Variants in MAP2K1 observed in about 807,000 individuals in gnomAD.
MAP2K1 encodes the protein dual specificity mitogen-activated protein kinase kinase 1.
MAP2K1 carries 16 observed loss-of-function variants against 46.3 expected under a neutral mutation model. That is an observed-to-expected ratio of 0.35 (90% CI 0.23 to 0.52). MAP2K1 has a LOEUF of 0.52. MAP2K1 is among the 20% of genes least tolerant of loss of function. The pLI, the probability that MAP2K1 is intolerant of heterozygous loss-of-function variation, is 0.94. For missense variants in MAP2K1, 263 were observed against 497.1 expected, an observed-to-expected ratio of 0.53 and a Z score of 4.48; for synonymous variants, 183 against 185.6, an observed-to-expected ratio of 0.99 and a Z score of 0.11.
In MAP2K1 at chr15:66,490,668, G is replaced by A. The variant is rs755282867; in HGVS notation, c.*53G>A. ...CCCCTGCCCGGTGGTTTGCCATGTC[G>A]CTTTTGGGCCTCCTTCCCATGCCTG... On this transcript the variant is annotated 3_prime_UTR_variant, in exon 11 of 11. Transcript: ENST00000307102. 12 of 1,359,308 alleles carry A rather than the reference G, an allele frequency of 8.8e-6. No homozygotes were observed. Among genetic ancestry groups the A allele is most frequent in the Middle Eastern group, 1.8e-4 (1 of 5,602 alleles). 84.2% of individuals were successfully genotyped at this position (1,359,308 alleles called of 1,614,324 possible). A position where few individuals can be genotyped will look rare whatever the true frequency, so the allele number is the denominator to read the frequency against.
chr15:66,459,150 T>C (rs976789862), intron 5 of MAP2K1, among the ~76,000 whole-genome samples: 1 of 150,962 alleles, frequency 6.6e-6, no homozygotes, highest in Non-Finnish European at 1.5e-5. Flanking sequence ...CCGTCTCTAC[T>C]AAAAATATAA....
chr15:66,456,169 G>A lies in MAP2K1; in HGVS notation c.568+11462G>A, dbSNP rs372223356. On this transcript the variant is annotated intron_variant, in intron 5 of 10. Coordinates refer to ENST00000307102, the MANE Select transcript of MAP2K1 (RefSeq NM_002755.4). The stretch of plus-strand genomic sequence containing the variant: ...GTGCAAGGTATTAGGTGAATTACTC[G>A]TTAGGCATAAAGTTGGCTCATAAAT... Among the ~76,000 whole-genome samples, 9 of 152,276 alleles carry A rather than the reference G, an allele frequency of 5.9e-5. No homozygotes were observed. In the East Asian group the frequency reaches 1.2e-3, roughly 20 times the overall value.
intron 5 of MAP2K1, among the ~76,000 whole-genome samples, chr15:66,456,634 A>G (rs1436110623): frequency 1.3e-5 from 2 of 152,166 alleles, no homozygotes; most frequent in East Asian, 3.8e-4. Flanking sequence ...TCTCCCCAGC[A>G]TCCAGATCAG....
At position 66,416,722 on chromosome 15, in the gene MAP2K1, C is replaced by G. The variant is rs376134389; in HGVS notation, c.81-18305C>G. On this transcript the variant is annotated intron_variant, in intron 1 of 10. Coordinates refer to ENST00000307102, the MANE Select transcript of MAP2K1 (RefSeq NM_002755.4). ...GTTTCCACTATAACAACAGTGAGAA[C>G]AAAGTATACACAAAGCTATTTGTGT... Among the ~76,000 whole-genome samples, 17 of 152,250 alleles carry G rather than the reference C, an allele frequency of 1.1e-4. No homozygotes were observed. The South Asian group carries it at 3.5e-3, about 32-fold the overall frequency.
At chr15:66,429,673 C>CCCT in intron 1 of MAP2K1, among the ~76,000 whole-genome samples, 3 of 37,426 alleles carry the variant, frequency 8.0e-5, no homozygotes, top group Non-Finnish European at 1.9e-4. Context: ...CGCCCCCCCC[C>CCCT]CCCCCGTCCC....
intron 10 of MAP2K1, 33 bp from the exon 11 acceptor site, chr15:66,490,469 T>A (rs1453328610): frequency 6.8e-7 from 1 of 1,477,542 alleles, no homozygotes; most frequent in Admixed American, 1.7e-5. Flanking sequence ...TGTTTCTTTT[T>A]AACACCACGT....
chr15:66,434,998 A>G (rs1190002658), intron 1 of MAP2K1, 29 bp from the exon 2 acceptor site: 3 of 1,428,146 alleles, frequency 2.1e-6, no homozygotes, highest in East Asian at 2.3e-5. Flanking sequence ...TGGTGACAGT[A>G]TTGACTTGTG....
chr15:66,457,658 G>A (rs893860935), intron 5 of MAP2K1, among the ~76,000 whole-genome samples: 3 of 152,070 alleles, frequency 2.0e-5, no homozygotes, highest in Admixed American at 6.6e-5. Context: ...TAGAATTTAA[G>A]CACAAAACTG....
At chr15:66,456,278 A>G (rs926835567) in intron 5 of MAP2K1, among the ~76,000 whole-genome samples, 10 of 152,198 alleles carry the variant, frequency 6.6e-5, no homozygotes, top group African/African-American at 2.4e-4. Context: ...AACATAGCCA[A>G]TATCATTTTT....
Position 66,418,267 on chromosome 15 carries a change from T to TG in MAP2K1, c.81-16758dup, listed in dbSNP as rs2093429096. Among the ~76,000 whole-genome samples, 9 of 152,258 alleles carry TG rather than the reference T, an allele frequency of 5.9e-5. No individual in the cohort carries two copies. The South Asian group carries it at 1.9e-3, about 32-fold the overall frequency. On this transcript the variant is annotated intron_variant, in intron 1 of 10. Transcript: ENST00000307102. ...TTCCTGTTATAGCTGAAGAGTGAATTGGCCTTATGTTCCCTACCTCCAGAC... is the reference window on the plus strand; with the variant it reads ...TTCCTGTTATAGCTGAAGAGTGAATTGGGCCTTATGTTCCCTACCTCCAGAC...
chr15:66,477,011 G>C (rs931916287), intron 5 of MAP2K1, among the ~76,000 whole-genome samples: 2 of 152,204 alleles, frequency 1.3e-5, no homozygotes, highest in African/African-American at 4.8e-5. Flanking sequence ...CATGTGCCCA[G>C]GTTTCCAGGT....
At chr15:66,440,505 C>G (rs2093500889) in intron 3 of MAP2K1, among the ~76,000 whole-genome samples, 1 of 152,180 alleles carries the variant, frequency 6.6e-6, no homozygotes, top group Non-Finnish European at 1.5e-5. Context: ...GTGCACTGCC[C>G]AGTCTGAATT....
intron 5 of MAP2K1, among the ~76,000 whole-genome samples, chr15:66,445,157 T>TGGGG (rs66489967): frequency 9.4e-6 from 1 of 106,186 alleles, no homozygotes; most frequent in African/African-American, 4.6e-5. Flanking sequence ...CGGGGGGAGG[T>TGGGG]GGGGGGGTGG....
At position 66,478,326 on chromosome 15, in the gene MAP2K1, TTATATATACACACATATATGTTAAA is replaced by T. The variant is rs1319001274; in HGVS notation, c.569-3391_569-3367del. Among the ~76,000 whole-genome samples the T allele has an allele frequency of 6.2e-3, 900 of 145,664 alleles. 9 individuals are homozygous for T. Among genetic ancestry groups the T allele is most frequent in the African/African-American group, 0.02 (804 of 39,464 alleles). On this transcript the variant is annotated intron_variant, in intron 5 of 10. Coordinates refer to ENST00000307102, the MANE Select transcript of MAP2K1 (RefSeq NM_002755.4). ...TGTATATATATAGTATATATATATG[TTATATATACACACATATATGTTAAA>T]TATATATACACACATATATGTTAAA...
At chr15:66,434,720 C>T (rs1595860681) in intron 1 of MAP2K1, among the ~76,000 whole-genome samples, 1 of 152,270 alleles carries the variant, frequency 6.6e-6, no homozygotes, top group Non-Finnish European at 1.5e-5. Flanking sequence ...GTGGCTCATT[C>T]TGGATTTTAG....
rs116192236 is a variant in MAP2K1, at chr15:66,476,565, G to A, written c.569-5190G>A. The stretch of plus-strand genomic sequence containing the variant: ...AGACTCTTACACAGGGGCAGTTAGA[G>A]AGGCAGGCCAGCCCCAACCAGGAAG... On this transcript the variant is annotated intron_variant, in intron 5 of 10. Transcript: ENST00000307102. Among the ~76,000 whole-genome samples the A allele has an allele frequency of 7.8e-3, 1,195 of 152,338 alleles. 13 individuals carry two copies. Among genetic ancestry groups the A allele is most frequent in the African/African-American group, 0.027 (1,121 of 41,582 alleles).
At chr15:66,478,400 G>GTGTATA (rs773540178) in intron 5 of MAP2K1, among the ~76,000 whole-genome samples, 1 of 109,130 alleles carries the variant, frequency 9.2e-6, no homozygotes, top group African/African-American at 4.2e-5. Flanking sequence ...ATATGTGTGT[G>GTGTATA]TATATATATA....
intron 5 of MAP2K1, among the ~76,000 whole-genome samples, chr15:66,458,230 A>G (rs769817645): frequency 3.3e-4 from 50 of 152,218 alleles, no homozygotes; most frequent in East Asian, 5.8e-4. Context: ...ATTTAAAGCA[A>G]TAATTTGCAT....
chr15:66,398,386 G>A (rs148677899), intron 1 of MAP2K1, among the ~76,000 whole-genome samples: 2 of 152,194 alleles, frequency 1.3e-5, no homozygotes, highest in African/African-American at 4.8e-5. Context: ...CTGCACTCTA[G>A]CCTGGGTGAG....
Sources: gnomAD v4.1 joint callset for allele counts (sites outside exome capture counted in the v4.1 genomes callset) on GRCh38, gnomAD v4.1.1 for gene constraint, MANE v1.5 for transcripts, NCBI Gene and HGNC (gene_info 2026-07-23, HGNC 2026-07-21) for gene names.